COL19A1: variants seen among roughly 807,000 people sequenced by gnomAD.
COL19A1 encodes collagen alpha-1(XIX) chain.
Under a neutral mutation model 190.2 loss-of-function variants are expected in COL19A1, and 159 were observed. The observed-to-expected ratio is 0.84, with a 90% CI of 0.73 to 0.95. The LOEUF (loss-of-function observed/expected upper bound fraction) is 0.95. COL19A1 is among the 40% of genes least tolerant of loss of function. The pLI, the probability that COL19A1 is intolerant of heterozygous loss-of-function variation, is 0.00. For synonymous variants in COL19A1, 509 were observed against 458.9 expected, an observed-to-expected ratio of 1.11 and a Z score of -1.39; for missense variants, 1,418 against 1,431.9, an observed-to-expected ratio of 0.99 and a Z score of 0.16.
chr6:69,959,555 TAAG>T (rs1299267927), intron 9 of COL19A1, among the ~76,000 whole-genome samples: 2 of 152,152 alleles, frequency 1.3e-5, no homozygotes, highest in Non-Finnish European at 2.9e-5. Context: ...CAATGACCTG[TAAG>T]AAGTTCATTG....
intron 15 of COL19A1, among the ~76,000 whole-genome samples, chr6:70,086,862 A>G (rs780689250): frequency 1.3e-5 from 2 of 152,206 alleles, no homozygotes; most frequent in African/African-American, 2.4e-5. Flanking sequence ...GCTCAGTCCA[A>G]AAACAAGAAC....
chr6:70,126,528 C>T (rs960767158), intron 17 of COL19A1, among the ~76,000 whole-genome samples: 3 of 152,204 alleles, frequency 2.0e-5, no homozygotes, highest in Non-Finnish European at 4.4e-5. Context: ...CTGAGTCTTC[C>T]CTTCCTTTCA....
At chr6:70,111,948 T>A (rs143492803) in intron 16 of COL19A1, among the ~76,000 whole-genome samples, 1 of 152,200 alleles carries the variant, frequency 6.6e-6, no homozygotes, top group Admixed American at 6.5e-5. Flanking sequence ...TATAAGCTAG[T>A]GCCACCAGCC....
chr6:70,173,640 T>G (rs1458479367), intron 41 of COL19A1, among the ~76,000 whole-genome samples: 1 of 152,116 alleles, frequency 6.6e-6, no homozygotes, highest in African/African-American at 2.4e-5. Flanking sequence ...CCAGAGAAAT[T>G]ATTATTTCAC....
intron 9 of COL19A1, among the ~76,000 whole-genome samples, chr6:69,944,071 G>GT (rs1773636366): frequency 6.6e-6 from 1 of 152,030 alleles, no homozygotes. Flanking sequence ...TTTGCTCCAA[G>GT]TCCTTTGTAC....
At chr6:70,079,056 ACT>A (rs1782074784) in intron 15 of COL19A1, among the ~76,000 whole-genome samples, 1 of 152,072 alleles carries the variant, frequency 6.6e-6, no homozygotes, top group South Asian at 2.1e-4. Flanking sequence ...GACAAAGGAG[ACT>A]CTATCTCAAA....
At chr6:70,108,385 A>T (rs1383222586) in intron 16 of COL19A1, among the ~76,000 whole-genome samples, 1 of 152,132 alleles carries the variant, frequency 6.6e-6, no homozygotes, top group African/African-American at 2.4e-5. Context: ...TTGTGTGCAT[A>T]GCAATTTCAG....
At chr6:70,163,785 C>T (rs1374509371) in intron 36 of COL19A1, among the ~76,000 whole-genome samples, 1 of 152,118 alleles carries the variant, frequency 6.6e-6, no homozygotes, top group Non-Finnish European at 1.5e-5. Context: ...GACGGAGTGG[C>T]TTATAAACAA....
At chr6:69,907,277 G>A (rs1409634799) in intron 4 of COL19A1, among the ~76,000 whole-genome samples, 4 of 151,538 alleles carry the variant, frequency 2.6e-5, no homozygotes, top group South Asian at 2.1e-4. Flanking sequence ...TTACAGGTGC[G>A]TGCCACCACT....
chr6:70,155,400 T>C (rs1787371785), intron 31 of COL19A1, among the ~76,000 whole-genome samples: 1 of 152,154 alleles, frequency 6.6e-6, no homozygotes. Flanking sequence ...AATAAGCCTA[T>C]ATAGAGCTTT....
chr6:69,922,479 T>G (rs1465716784), intron 4 of COL19A1, among the ~76,000 whole-genome samples: 3 of 13,904 alleles, frequency 2.2e-4, no homozygotes, highest in East Asian at 1.2e-3. Flanking sequence ...CTATTTAGGT[T>G]TTTTTTTTTT....
Position 70,210,247 on chromosome 6 carries a change from T to G in COL19A1, c.*2973T>G, listed in dbSNP as rs1768106586. On this transcript the variant is annotated 3_prime_UTR_variant, in exon 51 of 51. Coordinates refer to ENST00000620364, the MANE Select transcript of COL19A1 (RefSeq NM_001858.6). ...ATACCAAGTTCAAAACACTTTCAGA[T>G]AGAAGTCTTTCTATGCAAAGATTAA... Among the ~76,000 whole-genome samples, 2 of 152,198 alleles carry G rather than the reference T, an allele frequency of 1.3e-5. No individual in the cohort carries two copies. Among genetic ancestry groups the G allele is most frequent in the African/African-American group, 4.8e-5 (2 of 41,476 alleles).
chr6:70,180,245 GA>G (rs1252012389), intron 42 of COL19A1, 66 bp from the exon 43 acceptor site: 5 of 1,573,622 alleles, frequency 3.2e-6, no homozygotes, highest in Admixed American at 1.7e-5. Context: ...GGGGTTGGGG[GA>G]AGAGAAGCAT....
At chr6:70,144,157 T>C (rs1786452947) in intron 23 of COL19A1, 53 bp from the exon 24 acceptor site, 1 of 1,435,280 alleles carries the variant, frequency 7.0e-7, no homozygotes, top group Non-Finnish European at 9.8e-7. Flanking sequence ...TAGGGAAATG[T>C]TATTGTAAGA....
At chr6:70,054,669 T>G (rs897938364) in intron 14 of COL19A1, among the ~76,000 whole-genome samples, 1 of 152,204 alleles carries the variant, frequency 6.6e-6, no homozygotes, top group Non-Finnish European at 1.5e-5. Flanking sequence ...CAAACAGTAC[T>G]GTTAAAGGCT....
At chr6:69,926,029 CA>C (rs1380889198) in intron 4 of COL19A1, among the ~76,000 whole-genome samples, 2 of 152,164 alleles carry the variant, frequency 1.3e-5, no homozygotes, top group Non-Finnish European at 2.9e-5. Context: ...ATGTCATCTG[CA>C]AACAGGGACA....
chr6:69,932,819 A>G lies in COL19A1; in HGVS notation c.703A>G (p.Asn235Asp), dbSNP rs1772865223. The G allele has an allele frequency of 6.2e-7, 1 of 1,609,322 alleles. No homozygotes were observed. Among genetic ancestry groups the G allele is most frequent in the Admixed American group, 1.7e-5 (1 of 59,612 alleles). The change falls in exon 7 of 51, where the codon AAC (asparagine) becomes GAC (aspartate). Residue 235 changes from asparagine (N) to aspartate (D), a missense_variant. Coordinates refer to ENST00000620364, the MANE Select transcript of COL19A1 (RefSeq NM_001858.6). ...CCAACTTAAAATCTACTGCAGTGCA[A>G]ACCTCATAGCTCAAGAAACATGTTG... ...LHQLKIYCSA[N>D]LIAQETCCEI...
At chr6:69,999,416 C>T (rs1777114186) in intron 11 of COL19A1, among the ~76,000 whole-genome samples, 1 of 152,010 alleles carries the variant, frequency 6.6e-6, no homozygotes, top group Non-Finnish European at 1.5e-5. Context: ...TGCCTGTGGT[C>T]CCAACTACTT....
chr6:70,173,956 A>G (rs1480838564), intron 41 of COL19A1, among the ~76,000 whole-genome samples: 1 of 152,130 alleles, frequency 6.6e-6, no homozygotes, highest in Non-Finnish European at 1.5e-5. Flanking sequence ...CCTAGAGGGA[A>G]GGGGACCTAG....
Sources: gnomAD v4.1 joint callset for allele counts (sites outside exome capture counted in the v4.1 genomes callset) on GRCh38, gnomAD v4.1.1 for gene constraint, MANE v1.5 for transcripts, NCBI Gene and HGNC (gene_info 2026-07-23, HGNC 2026-07-21) for gene names.